The following XKR6 variants were observed in gnomAD, a reference collection of about 807,000 sequenced individuals.
The protein encoded by XKR6 is XK-related protein 6.
In XKR6, 22 loss-of-function variants were observed where a neutral mutation model predicts 56.7. That is an observed-to-expected ratio of 0.39 (90% CI 0.28 to 0.55). The LOEUF (loss-of-function observed/expected upper bound fraction) is 0.55. Ranked by LOEUF, XKR6 falls within the 20% of genes least tolerant of loss-of-function variation. The pLI is 0.66. For synonymous variants in XKR6, 524 were observed against 387.8 expected (o/e 1.35, Z -4.13); for missense variants, 852 against 889.0 (o/e 0.96, Z 0.53).
At chr8:10,963,486 T>A (rs1026604419) in intron 1 of XKR6, among the ~76,000 whole-genome samples, 20 of 151,990 alleles carry the variant, frequency 1.3e-4, no homozygotes, top group African/African-American at 4.4e-4. Context: ...CGGGCAGGAA[T>A]TTTTGCTCAG....
intron 1 of XKR6, among the ~76,000 whole-genome samples, chr8:11,092,522 G>A (rs368353728): frequency 4.6e-5 from 7 of 152,312 alleles, no homozygotes; most frequent in Admixed American, 1.3e-4. Flanking sequence ...AAGCCATGAT[G>A]TGAAAGCTCT....
rs573016905 is a variant in XKR6, at chr8:10,978,797, C to T, written c.765-53967G>A. Among the ~76,000 whole-genome samples the T allele has an allele frequency of 2.3e-3, 347 of 152,328 alleles. 2 individuals carry two copies. The highest frequency in any genetic ancestry group is 7.3e-3 in the African/African-American group (303 of 41,566). On this transcript the variant is annotated intron_variant, in intron 1 of 2. Transcript: ENST00000416569. ...CAGACAACTCCTCCCCCCGTGCTGA[C>T]GCACGGCCTTGTCCCATGTCATTCT...
intron 1 of XKR6, among the ~76,000 whole-genome samples, chr8:10,977,322 C>T (rs946823585): frequency 6.6e-6 from 1 of 152,062 alleles, no homozygotes; most frequent in African/African-American, 2.4e-5. Flanking sequence ...TCCCCCATCC[C>T]AGGGACACCC....
At chr8:10,961,141 G>A (rs552746543) in intron 1 of XKR6, among the ~76,000 whole-genome samples, 19 of 152,236 alleles carry the variant, frequency 1.2e-4, no homozygotes, top group Admixed American at 9.1e-4. Flanking sequence ...GGCTGTGAGC[G>A]GATGAATCCC....
intron 1 of XKR6, among the ~76,000 whole-genome samples, chr8:10,999,762 T>C (rs946645718): frequency 6.6e-6 from 1 of 152,244 alleles, no homozygotes; most frequent in Non-Finnish European, 1.5e-5. Flanking sequence ...ATGAGCCTTA[T>C]TCTGTATGCC....
At chr8:11,120,976 C>G (rs972634744) in intron 1 of XKR6, among the ~76,000 whole-genome samples, 2 of 152,174 alleles carry the variant, frequency 1.3e-5, no homozygotes, top group Non-Finnish European at 2.9e-5. Context: ...GGAAAACTGG[C>G]TAGCCATATG....
chr8:11,178,541 GGTAAAAAT>G (rs1213948398), intron 1 of XKR6, among the ~76,000 whole-genome samples: 4 of 86,520 alleles, frequency 4.6e-5, no homozygotes, highest in African/African-American at 2.8e-4. Flanking sequence ...ACATCTGAGA[GGTAAAAAT>G]ATATATATAT....
chr8:11,078,766 G>A (rs1340589146), intron 1 of XKR6, among the ~76,000 whole-genome samples: 2 of 152,170 alleles, frequency 1.3e-5, no homozygotes, highest in East Asian at 1.9e-4. Context: ...CCAGAATGAC[G>A]AGAGAGGACA....
chr8:11,108,471 A>G (rs1798764921), intron 1 of XKR6: 1 of 410,338 alleles, frequency 2.4e-6, no homozygotes, highest in Non-Finnish European at 4.8e-6. Context: ...GTTCATTTAA[A>G]AAACAGGACA....
At chr8:11,178,602 CAA>C (rs1272894302) in intron 1 of XKR6, among the ~76,000 whole-genome samples, 4 of 121,082 alleles carry the variant, frequency 3.3e-5, no homozygotes, top group Admixed American at 7.8e-5. Context: ...CACACACACA[CAA>C]ATATATATAT....
At chr8:11,121,836 A>C (rs906163725) in intron 1 of XKR6, among the ~76,000 whole-genome samples, 21 of 152,332 alleles carry the variant, frequency 1.4e-4, no homozygotes, top group Admixed American at 5.9e-4. Flanking sequence ...ACATATACAC[A>C]ATGGAATACT....
At chr8:10,957,311 G>A (rs1260694916) in intron 1 of XKR6, among the ~76,000 whole-genome samples, 1 of 152,130 alleles carries the variant, frequency 6.6e-6, no homozygotes, top group Non-Finnish European at 1.5e-5. Flanking sequence ...GCACAGAAAG[G>A]CCTTTTCCTA....
At chr8:11,146,066 C>T (rs1365044453) in intron 1 of XKR6, among the ~76,000 whole-genome samples, 3 of 151,940 alleles carry the variant, frequency 2.0e-5, no homozygotes, top group African/African-American at 7.3e-5. Context: ...GATAAAGGGG[C>T]AAGGGCAATT....
At chr8:10,988,313 A>C (rs1797909181) in intron 1 of XKR6, among the ~76,000 whole-genome samples, 1 of 152,230 alleles carries the variant, frequency 6.6e-6, no homozygotes, top group African/African-American at 2.4e-5. Flanking sequence ...TAGGTGTTCC[A>C]TTAATTTTCT....
At chr8:10,941,714 C>A (rs1801391552) in intron 1 of XKR6, among the ~76,000 whole-genome samples, 1 of 152,192 alleles carries the variant, frequency 6.6e-6, no homozygotes, top group Non-Finnish European at 1.5e-5. Context: ...GGCCTGGGGG[C>A]TCATGGGTGC....
chr8:10,918,291 TG>T (rs1800618016), intron 2 of XKR6, among the ~76,000 whole-genome samples: 1 of 152,232 alleles, frequency 6.6e-6, no homozygotes, highest in African/African-American at 2.4e-5. Context: ...CCTGAGTGCT[TG>T]GAAGAGGCTC....
intron 1 of XKR6, among the ~76,000 whole-genome samples, chr8:11,091,077 C>G (rs967595877): frequency 1.3e-5 from 2 of 152,026 alleles, no homozygotes; most frequent in African/African-American, 2.4e-5. Context: ...CATGTCTGTA[C>G]CAGCAGGTGG....
intron 1 of XKR6, among the ~76,000 whole-genome samples, chr8:10,978,921 C>T (rs1797659807): frequency 6.6e-6 from 1 of 152,196 alleles, no homozygotes. Flanking sequence ...TGCCACTGGC[C>T]CAGCTTCAGC....
intron 1 of XKR6, among the ~76,000 whole-genome samples, chr8:11,182,916 C>T (rs1295491790): frequency 6.6e-6 from 1 of 152,182 alleles, no homozygotes; most frequent in Non-Finnish European, 1.5e-5. Flanking sequence ...TCTACTATGT[C>T]TCTATGAACT....
Sources: allele counts gnomAD v4.1 joint callset (sites outside exome capture counted in the v4.1 genomes callset), GRCh38; gene constraint gnomAD v4.1.1; transcripts MANE v1.5; gene names NCBI Gene and HGNC (gene_info 2026-07-23, HGNC 2026-07-21).